YIPF2: variants seen among roughly 807,000 people sequenced by gnomAD.
The protein encoded by YIPF2 is Yip1 domain family member 2.
A neutral mutation model predicts 38.8 loss-of-function variants in YIPF2; 30 were observed. That is an observed-to-expected ratio of 0.77 (90% CI 0.58 to 1.05). The LOEUF is 1.05. YIPF2 is among the 50% of genes least tolerant of loss of function. The pLI is 0.00. For synonymous variants in YIPF2, 194 were observed against 183.8 expected, an observed-to-expected ratio of 1.06 and a Z score of -0.45; for missense variants, 401 against 409.7, an observed-to-expected ratio of 0.98 and a Z score of 0.18.
At position 10,923,591 on chromosome 19, in the gene YIPF2, G is replaced by A. The variant is rs2145262128; in HGVS notation, c.738C>T (p.Thr246=). The change falls in exon 8 of 10, where the codon ACC becomes ACT. Residue 246 remains threonine, a synonymous_variant. Transcript: ENST00000586748. The stretch of plus-strand genomic sequence containing the variant: ...TGTCCTCACGGACCACGGGCCAGAG[G>A]GTGAATACCAGCCCGGCGGCTGACA... ...LGLSAAGLVF[T]LWPVVREDTR... is the part of the protein sequence containing the mutation. The A allele has an allele frequency of 1.9e-6, 3 of 1,613,000 alleles. No homozygotes were observed. Among genetic ancestry groups the A allele is most frequent in the Non-Finnish European group, 2.5e-6 (3 of 1,179,758 alleles).
intron 4 of YIPF2, among the ~76,000 whole-genome samples, chr19:10,927,240 G>T (rs2083439956): frequency 6.6e-6 from 1 of 152,150 alleles, no homozygotes; most frequent in Non-Finnish European, 1.5e-5. Context: ...AACTCCTCAG[G>T]TTATCTGCCC....
chr19:10,923,947 G>T lies in YIPF2; in HGVS notation c.537C>A (p.Ala179=). The change falls in exon 7 of 10, where the codon GCC becomes GCA. Residue 179 remains alanine, a synonymous_variant. Coordinates refer to ENST00000586748, the MANE Select transcript of YIPF2 (RefSeq NM_001321439.2). ...TGCGCCACCGCAGGAAGCCCCACAG[G>T]GCCAGGGGCACCAGCCACGCATAGC... ...IYCYAWLVPL[A]LWGFLRWRKG... is the part of the protein sequence containing the mutation. 1 of 1,613,426 alleles carries T rather than the reference G, an allele frequency of 6.2e-7. No individual in the cohort carries two copies. The highest frequency in any genetic ancestry group is 8.5e-7 in the Non-Finnish European group (1 of 1,179,776).
At position 10,927,635 on chromosome 19, in the gene YIPF2, AG is replaced by A; in HGVS notation, c.273del (p.Ser92HisfsTer50). The A allele has an allele frequency of 1.9e-6, 3 of 1,613,770 alleles. No individual in the cohort carries two copies. Among genetic ancestry groups the A allele is most frequent in the Non-Finnish European group, 2.5e-6 (3 of 1,179,952 alleles). On this transcript the variant is annotated frameshift_variant, in exon 4 of 10. Coordinates refer to ENST00000586748, the MANE Select transcript of YIPF2 (RefSeq NM_001321439.2). LOFTEE classifies it high-confidence loss of function. The stretch of plus-strand genomic sequence containing the variant: ...ACCTGCCTCCCCAGCCTGACCTGTG[AG>A]GTGTCCACGTCAAAGAAGCTCTGAT... ...SYYQSFFDVD[T>X]SQVLDRIKGS...
chr19:10,925,466 C>T (rs1599724056), intron 5 of YIPF2, among the ~76,000 whole-genome samples: 1 of 152,222 alleles, frequency 6.6e-6, no homozygotes, highest in Admixed American at 6.5e-5. Flanking sequence ...GGAGGCCTGC[C>T]CTGCTGCACC....
Position 10,927,940 on chromosome 19 carries a change from A to G in YIPF2, c.51T>C (p.Asn17=). The G allele has an allele frequency of 6.2e-7, 1 of 1,607,392 alleles. No individual in the cohort carries two copies. The highest frequency in any genetic ancestry group is 8.5e-7 in the Non-Finnish European group (1 of 1,174,658). ...CTGCATCTGGGGTGTCAGCCAGAAG[A>G]TTAGTGGCCTCCTCGAATTCTGTGG... ...LTFHEFEEAT[N]LLADTPDAAT... Residue 17 remains asparagine (N), a synonymous_variant, in exon 3 of 10, where the codon AAT becomes AAC. Coordinates refer to ENST00000586748, the MANE Select transcript of YIPF2 (RefSeq NM_001321439.2).
chr19:10,926,409 G>A (rs973130789), intron 4 of YIPF2, among the ~76,000 whole-genome samples: 8 of 149,474 alleles, frequency 5.4e-5, no homozygotes, highest in Non-Finnish European at 1.0e-4. Context: ...TGTATTTTTA[G>A]TAGAGATGGG....
chr19:10,927,337 G>A (rs568196464), intron 4 of YIPF2, among the ~76,000 whole-genome samples: 1 of 152,214 alleles, frequency 6.6e-6, no homozygotes, highest in African/African-American at 2.4e-5. Context: ...TGTTCCCTGT[G>A]CCTGGAACAT....
intron 9 of YIPF2, 38 bp downstream of exon 9, chr19:10,923,234 A>G (rs573989449): frequency 1.3e-6 from 2 of 1,506,874 alleles, no homozygotes; most frequent in South Asian, 2.5e-5. Flanking sequence ...TGGGAGTGGG[A>G]GGGCAGCCCC....
At position 10,924,184 on chromosome 19, in the gene YIPF2, A is replaced by G; in HGVS notation, c.376T>C (p.Trp126Arg). The G allele has an allele frequency of 6.2e-7, 1 of 1,611,484 alleles. No individual in the cohort carries two copies. Among genetic ancestry groups the G allele is most frequent in the Non-Finnish European group, 8.5e-7 (1 of 1,179,818 alleles). The change falls in exon 6 of 10, where the codon TGG becomes CGG. Residue 126 changes from tryptophan (W) to arginine (R), a missense_variant. Transcript: ENST00000586748. Reference sequence around the variant, plus strand: ...ACAAAGGCCAACGTGGCACAGATCCAGAAGGGGCCTGGGGGTAGGGGGCAC... The same window carrying G: ...ACAAAGGCCAACGTGGCACAGATCCGGAAGGGGCCTGGGGGTAGGGGGCAC... ...RNRPDLYGPF[W>R]ICATLAFVLA...
Position 10,923,565 on chromosome 19 carries a change from G to A in YIPF2, c.764C>T (p.Thr255Ile), listed in dbSNP as rs757425890. The A allele has an allele frequency of 3.1e-6, 5 of 1,612,730 alleles. No individual in the cohort carries two copies. The South Asian group carries it at 3.3e-5, about 11-fold the overall frequency. The change falls in exon 8 of 10, where the codon ACC becomes ATC. Residue 255 changes from threonine to isoleucine, a missense_variant. Physicochemically the swap from Thr to Ile is moderately conservative, Grantham distance 89. Transcript: ENST00000586748. ...FTLWPVVRED[T>I]RLVATVLLSV... ...CAGCAGCACTGTGGCCACCAGCCTG[G>A]TGTCCTCACGGACCACGGGCCAGAG...
Position 10,923,483 on chromosome 19 carries a change from C to G in YIPF2, c.834+12G>C. 6.2e-7 allele frequency: 1 copy of G among 1,613,076 alleles called. No homozygotes were observed. On this transcript the variant is annotated intron_variant, in intron 8 of 9. Coordinates refer to ENST00000586748, the MANE Select transcript of YIPF2 (RefSeq NM_001321439.2). ...CCCCTCGGCCCCACCTGTGGCCACCCCAGACCCGTACCTTACAGCCCATGG... is the reference window on the plus strand; with the variant it reads ...CCCCTCGGCCCCACCTGTGGCCACCGCAGACCCGTACCTTACAGCCCATGG...
chr19:10,923,548 C>G lies in YIPF2; in HGVS notation c.781G>C (p.Val261Leu), dbSNP rs1397260881. ...VREDTRLVAT[V>L]LLSVVVLLHA... Reference sequence around the variant, plus strand: ...AGCAGCACGACCACGGACAGCAGCACTGTGGCCACCAGCCTGGTGTCCTCA... The same window carrying G: ...AGCAGCACGACCACGGACAGCAGCAGTGTGGCCACCAGCCTGGTGTCCTCA... The change falls in exon 8 of 10, where the codon GTG (valine) becomes CTG (leucine). Residue 261 changes from valine to leucine, a missense_variant. Transcript: ENST00000586748. 2 of 1,612,676 alleles carry G rather than the reference C, an allele frequency of 1.2e-6. No homozygotes were observed. Among genetic ancestry groups the G allele is most frequent in the South Asian group, 2.2e-5 (2 of 91,078 alleles).
Position 10,926,056 on chromosome 19 carries a change from G to A in YIPF2, c.280-283C>T, listed in dbSNP as rs552539705. On this transcript the variant is annotated intron_variant, in intron 4 of 9. Coordinates refer to ENST00000586748, the MANE Select transcript of YIPF2 (RefSeq NM_001321439.2). ...CACCCGAGTAGCTGGGATTACAGGC[G>A]TGTGCCACCACGCCTGGCTAATAGT... 2.0e-5 allele frequency among the ~76,000 whole-genome samples: 3 copies of A among 151,824 alleles called. No homozygotes were observed. In the South Asian group the frequency reaches 6.3e-4, roughly 32 times the overall value.
intron 4 of YIPF2, among the ~76,000 whole-genome samples, chr19:10,926,530 C>A (rs1156937981): frequency 1.3e-5 from 2 of 151,566 alleles, no homozygotes; most frequent in Non-Finnish European, 2.9e-5. Flanking sequence ...CCGGCCTCAG[C>A]ACCCCCTTTT....
Position 10,928,541 on chromosome 19 carries a change from A to C in YIPF2, c.-61T>G, listed in dbSNP as rs551969597. On this transcript the variant is annotated 5_prime_UTR_variant, in exon 1 of 10. Coordinates refer to ENST00000586748, the MANE Select transcript of YIPF2 (RefSeq NM_001321439.2). ...GACCAACTGCACCCACGGAGGCTTG[A>C]ACTCGTCGTCCCGTCCCCACAGGTG... 8.1e-7 allele frequency: 1 copy of C among 1,229,190 alleles called. No individual in the cohort carries two copies. Among genetic ancestry groups the C allele is most frequent in the Admixed American group, 3.8e-5 (1 of 26,088 alleles). The allele number at this position is 1,229,190 out of a possible 1,614,324, so 76.1% of individuals were successfully genotyped here. A position where few individuals can be genotyped will look rare whatever the true frequency, so the allele number is the denominator to read the frequency against.
At chr19:10,924,504 C>T (rs1288230736) in intron 5 of YIPF2, among the ~76,000 whole-genome samples, 1 of 152,118 alleles carries the variant, frequency 6.6e-6, no homozygotes, top group Non-Finnish European at 1.5e-5. Flanking sequence ...CAGTTCTTGG[C>T]CCCTTCCATG....
chr19:10,924,194 T>TG lies in YIPF2; in HGVS notation c.368-3dup, dbSNP rs759205234. On this transcript the variant is annotated splice_polypyrimidine_tract_variant and splice_region_variant and intron_variant, in intron 5 of 9. Transcript: ENST00000586748. ...ACGTGGCACAGATCCAGAAGGGGCCTGGGGGTAGGGGGCACAGTCAGGGTC... is the reference window on the plus strand; with the variant it reads ...ACGTGGCACAGATCCAGAAGGGGCCTGGGGGGTAGGGGGCACAGTCAGGGTC... 3 of 1,609,640 alleles carry TG rather than the reference T, an allele frequency of 1.9e-6. No homozygotes were observed. Among genetic ancestry groups the TG allele is most frequent in the Non-Finnish European group, 2.5e-6 (3 of 1,179,632 alleles).
At chr19:10,925,823 C>T in intron 4 of YIPF2, 50 bp from the exon 5 acceptor site, 1 of 1,588,160 alleles carries the variant, frequency 6.3e-7, no homozygotes, top group Non-Finnish European at 8.6e-7. Context: ...GAGCTTCTCC[C>T]TTGTCCTGAG....
At position 10,928,389 on chromosome 19, in the gene YIPF2, T is replaced by C. The variant is rs2083460285; in HGVS notation, c.22A>G (p.Thr8Ala). 1.5e-6 allele frequency: 2 copies of C among 1,326,706 alleles called. No homozygotes were observed. Among genetic ancestry groups the C allele is most frequent in the Non-Finnish European group, 1.9e-6 (2 of 1,033,414 alleles). 82.2% of individuals were successfully genotyped at this position (1,326,706 alleles called of 1,614,324 possible). The change falls in exon 2 of 10, where the codon ACC becomes GCC. Residue 8 changes from threonine (T) to alanine (A), a missense_variant. By Grantham distance (58) the Thr-to-Ala change is moderately conservative (BLOSUM62 0). Coordinates refer to ENST00000586748, the MANE Select transcript of YIPF2 (RefSeq NM_001321439.2). ...TCGGGGCCGCACTCACCATGGAAGG[T>C]CAGCTCGTCGGCCGATGCCATGGTC... Reference protein sequence around the residue: MASADELTFHEFEEATNL... With the variant: MASADELAFHEFEEATNL...
Sources: gnomAD v4.1 joint callset for allele counts (sites outside exome capture counted in the v4.1 genomes callset) on GRCh38, gnomAD v4.1.1 for gene constraint, MANE v1.5 for transcripts, NCBI Gene and HGNC (gene_info 2026-07-23, HGNC 2026-07-21) for gene names.